The following PCDHGA4 variants were observed in gnomAD, a reference collection of about 807,000 sequenced individuals.
PCDHGA4 encodes the protein protocadherin gamma-A4.
Under a neutral mutation model 54.6 loss-of-function variants are expected in PCDHGA4, and 38 were observed. The ratio of observed to expected loss-of-function variants is 0.70; its 90% CI spans 0.54 to 0.91. The LOEUF is 0.91. Ranked by LOEUF, PCDHGA4 falls within the 40% of genes least tolerant of loss-of-function variation. PCDHGA4 has a pLI of 0.00. For missense variants in PCDHGA4, 1,298 were observed against 1,220.9 expected (o/e 1.06, Z -0.94); for synonymous variants, 511 against 512.9 (o/e 1.00, Z 0.05).
At position 141,360,515 on chromosome 5, in the gene PCDHGA4, A is replaced by C. The variant is rs761181928; in HGVS notation, c.2514+2894A>C. The C allele has an allele frequency of 1.9e-6, 3 of 1,613,898 alleles. No homozygotes were observed. The East Asian group carries it at 6.7e-5, about 36-fold the overall frequency. ...ATAGCAGTAATTGTGCAGGATATAAATGATAATACCCCGCTATTCAAACAG... is the reference window on the plus strand; with the variant it reads ...ATAGCAGTAATTGTGCAGGATATAACTGATAATACCCCGCTATTCAAACAG... On this transcript the variant is annotated intron_variant, in intron 1 of 3. Coordinates refer to ENST00000571252, the MANE Select transcript of PCDHGA4 (RefSeq NM_018917.4).
chr5:141,360,619 G>A, intron 1 of PCDHGA4: 2 of 1,614,012 alleles, frequency 1.2e-6, no homozygotes, highest in East Asian at 2.2e-5. Context: ...GGATTCAGAT[G>A]TTGGTCCTAA....
chr5:141,434,509 T>C (rs1480014539), intron 1 of PCDHGA4, among the ~76,000 whole-genome samples: 3 of 152,232 alleles, frequency 2.0e-5, no homozygotes, highest in Non-Finnish European at 4.4e-5. Context: ...AGAAAACTGC[T>C]TAAAGGTGTT....
At chr5:141,443,728 C>T (rs1434984241) in intron 1 of PCDHGA4, among the ~76,000 whole-genome samples, 1 of 152,060 alleles carries the variant, frequency 6.6e-6, no homozygotes, top group Admixed American at 6.5e-5. Flanking sequence ...ATTCCTCATA[C>T]ATTTCCCTAT....
intron 1 of PCDHGA4, chr5:141,418,417 T>C: frequency 6.2e-7 from 1 of 1,614,002 alleles, no homozygotes; most frequent in Non-Finnish European, 8.5e-7. Flanking sequence ...AAGACAATCC[T>C]GATGGTGGCA....
chr5:141,365,466 A>T (rs1456535652), intron 1 of PCDHGA4: 2 of 1,614,016 alleles, frequency 1.2e-6, no homozygotes, highest in Non-Finnish European at 1.7e-6. Context: ...TCTGGAGAAA[A>T]TGGTGAGATT....
At chr5:141,467,361 G>T (rs555435172) in intron 1 of PCDHGA4, among the ~76,000 whole-genome samples, 2 of 151,742 alleles carry the variant, frequency 1.3e-5, no homozygotes, top group Non-Finnish European at 2.9e-5. Flanking sequence ...CCAAATCAAC[G>T]TTTTCTTATA....
rs761831761 is a variant in PCDHGA4 at position 141,485,471 on chromosome 5, G to A, written c.2515-9336G>A. The A allele has an allele frequency of 4.3e-6, 7 of 1,614,144 alleles. No homozygotes were observed. The Admixed American group carries it at 5.0e-5, about 12-fold the overall frequency. On this transcript the variant is annotated intron_variant, in intron 1 of 3. Transcript: ENST00000571252. This position sits in a 1 kb window ranked among gnomAD's most constrained non-coding sequence, Gnocchi z 5.7. ...CCGAGAGGCACTGTGTGGGCTCAGT[G>A]CCAGCTGCATCGTGCCCCTGGAGTT...
intron 2 of PCDHGA4, among the ~76,000 whole-genome samples, chr5:141,504,782 G>A (rs2099841011): frequency 6.6e-6 from 1 of 151,926 alleles, no homozygotes; most frequent in Non-Finnish European, 1.5e-5. Context: ...AGGGTCTCTT[G>A]GGGCCTCCTA....
chr5:141,365,477 G>A, intron 1 of PCDHGA4: 3 of 1,613,994 alleles, frequency 1.9e-6, no homozygotes, highest in Non-Finnish European at 2.5e-6. Flanking sequence ...TGGTGAGATT[G>A]CATGCTCTAT....
chr5:141,371,072 C>T (rs1456354595), intron 1 of PCDHGA4: 3 of 1,613,886 alleles, frequency 1.9e-6, no homozygotes, highest in South Asian at 1.1e-5. Context: ...GCTGTACCAC[C>T]CAGATCAGGG....
chr5:141,494,909 T>G (rs764123148), intron 2 of PCDHGA4, 44 bp downstream of exon 2: 1 of 1,614,042 alleles, frequency 6.2e-7, no homozygotes, highest in Admixed American at 1.7e-5. Flanking sequence ...CTGCGGCATT[T>G]TCTCAGGGAT....
At chr5:141,417,456 G>A (rs1354162154) in intron 1 of PCDHGA4, 1 of 177,626 alleles carries the variant, frequency 5.6e-6, no homozygotes, top group Non-Finnish European at 1.2e-5. Context: ...TTATGACCAA[G>A]TGGAAATATA....
At chr5:141,494,940 AG>A (rs888721888) in intron 2 of PCDHGA4, 75 bp downstream of exon 2, 1 of 1,610,860 alleles carries the variant, frequency 6.2e-7, no homozygotes, top group Non-Finnish European at 8.5e-7. Flanking sequence ...GAGATGGGGG[AG>A]GGCCCAGCAT....
At chr5:141,382,958 TG>T in intron 1 of PCDHGA4, 1 of 1,606,924 alleles carries the variant, frequency 6.2e-7, no homozygotes, top group Middle Eastern at 1.7e-4. Flanking sequence ...TCCATCCTCC[TG>T]GGGACCCCCT....
Position 141,433,071 on chromosome 5 carries a change from C to T in PCDHGA4, c.2515-61736C>T, listed in dbSNP as rs2097566106. On this transcript the variant is annotated intron_variant, in intron 1 of 3. Transcript: ENST00000571252. ...TCGCGGAAGAGTCACCTGATCTTCC[C>T]CCAGCCCAACTATGCAGACATGCTC... 2.5e-6 allele frequency: 4 copies of T among 1,614,154 alleles called. No homozygotes were observed. The East Asian group carries it at 8.9e-5, about 36-fold the overall frequency.
chr5:141,407,970 C>T, intron 1 of PCDHGA4: 2 of 716,252 alleles, frequency 2.8e-6, no homozygotes, highest in Non-Finnish European at 4.3e-6. Context: ...CAAGCGCTGA[C>T]GCCGGGGATC....
intron 2 of PCDHGA4, among the ~76,000 whole-genome samples, chr5:141,500,399 C>T (rs966328306): frequency 1.3e-5 from 2 of 151,806 alleles, no homozygotes; most frequent in South Asian, 2.1e-4. Context: ...TTAGTAGAGA[C>T]GGGGTTTCAC....
At chr5:141,371,714 G>A (rs1286462285) in intron 1 of PCDHGA4, 1 of 1,613,920 alleles carries the variant, frequency 6.2e-7, no homozygotes, top group Non-Finnish European at 8.5e-7. Context: ...CCATCACTCT[G>A]CACATCCTTG....
intron 1 of PCDHGA4, chr5:141,364,438 G>T: frequency 6.2e-7 from 1 of 1,613,820 alleles, no homozygotes; most frequent in African/African-American, 1.3e-5. Flanking sequence ...ACTCGATGCC[G>T]GAGGAGCTGG....
Sources: allele counts gnomAD v4.1 joint callset (sites outside exome capture counted in the v4.1 genomes callset), GRCh38; gene constraint gnomAD v4.1.1; non-coding constraint Gnocchi (gnomAD v3.1); transcripts MANE v1.5; gene names NCBI Gene and HGNC (gene_info 2026-07-23, HGNC 2026-07-21).